IGDCC3: variants seen among roughly 807,000 people sequenced by gnomAD.
The protein encoded by IGDCC3 is putative neuronal cell adhesion molecule.
A neutral mutation model predicts 72.0 loss-of-function variants in IGDCC3; 47 were observed. That is an observed-to-expected ratio of 0.65 (90% CI 0.52 to 0.83). The LOEUF (loss-of-function observed/expected upper bound fraction) is 0.83. Ranked by LOEUF, IGDCC3 falls within the 40% of genes least tolerant of loss-of-function variation. IGDCC3 has a pLI of 0.00. For missense variants in IGDCC3, 1,038 were observed against 1,091.3 expected, an observed-to-expected ratio of 0.95 and a Z score of 0.69; for synonymous variants, 477 against 472.8, an observed-to-expected ratio of 1.01 and a Z score of -0.11.
Position 65,347,842 on chromosome 15 carries a change from A to T in IGDCC3, c.410-11886T>A, listed in dbSNP as rs982956881. On this transcript the variant is annotated intron_variant, in intron 2 of 13. Transcript: ENST00000327987. ...GCCACTTGGGAGGCTGAGGCAAGGCAGGAGAATTGCTTGAACCTGGGAGGC... is the reference window on the plus strand; with the variant it reads ...GCCACTTGGGAGGCTGAGGCAAGGCTGGAGAATTGCTTGAACCTGGGAGGC... Among the ~76,000 whole-genome samples the T allele has an allele frequency of 9.8e-5, 15 of 152,298 alleles. 1 individual carries two copies. The highest frequency in any genetic ancestry group is 3.4e-3 in the Middle Eastern group (1 of 294).
chr15:65,362,661 C>T lies in IGDCC3; in HGVS notation c.409+12436G>A, dbSNP rs74021000. Among the ~76,000 whole-genome samples, 1,488 of 152,158 alleles carry T rather than the reference C, an allele frequency of 9.8e-3. 23 individuals carry two copies. Among genetic ancestry groups the T allele is most frequent in the African/African-American group, 0.034 (1,432 of 41,510 alleles). ...GACTGATGACAGGGCCGTGCCCCCT[C>T]CCATTTTCCACAAAGACAAACTGAG... On this transcript the variant is annotated intron_variant, in intron 2 of 13. Coordinates refer to ENST00000327987, the MANE Select transcript of IGDCC3 (RefSeq NM_004884.4).
Position 65,330,562 on chromosome 15 carries a change from G to A in IGDCC3, c.1741C>T (p.Leu581Phe). 1 of 1,613,310 alleles carries A rather than the reference G, an allele frequency of 6.2e-7. No individual in the cohort carries two copies. The highest frequency in any genetic ancestry group is 1.3e-5 in the African/African-American group (1 of 75,030). ...GTGTCTGCCTCACCGAGCTGGCTGA[G>A]GTTGTAGGAGGAGACGGTTCCAGGC... ...LLPGTVSSYNLSQLDPTAVYE... is the reference protein window; with the variant it reads ...LLPGTVSSYNFSQLDPTAVYE... The change falls in exon 10 of 14, where the codon CTC becomes TTC. Residue 581 changes from leucine to phenylalanine, a missense_variant. Transcript: ENST00000327987.
At chr15:65,360,730 C>A (rs2091254853) in intron 2 of IGDCC3, among the ~76,000 whole-genome samples, 1 of 152,208 alleles carries the variant, frequency 6.6e-6, no homozygotes, top group Admixed American at 6.5e-5. Flanking sequence ...GAGCCCAAAT[C>A]CCATTTGACC....
In IGDCC3 at chr15:65,331,636, C is replaced by T; in HGVS notation, c.1172G>A (p.Gly391Asp). 6.2e-7 allele frequency: 1 copy of T among 1,609,066 alleles called. No individual in the cohort carries two copies. Among genetic ancestry groups the T allele is most frequent in the Non-Finnish European group, 8.5e-7 (1 of 1,176,648 alleles). ...CTGATAAATGGCTTCATCCTCAGGA[C>T]CGATTCCAGAAATGGTCAGTGTGCT... ...NNSTLTISGI[G>D]PEDEAIYQCV... The change falls in exon 8 of 14, where the codon GGT (glycine) becomes GAT (aspartate). Residue 391 changes from glycine (G) to aspartate (D), a missense_variant. Gly to Asp is a moderately conservative substitution (Grantham distance 94). Transcript: ENST00000327987.
intron 2 of IGDCC3, among the ~76,000 whole-genome samples, chr15:65,358,098 A>G (rs990948608): frequency 3.5e-5 from 5 of 140,888 alleles, no homozygotes; most frequent in Non-Finnish European, 7.7e-5. Context: ...AGCAGATCCA[A>G]GACATATTTT....
chr15:65,359,404 G>T (rs1188939306), intron 2 of IGDCC3, among the ~76,000 whole-genome samples: 1 of 152,114 alleles, frequency 6.6e-6, no homozygotes, highest in Non-Finnish European at 1.5e-5. Flanking sequence ...ATGGAGCCTG[G>T]CCTGTGAGCT....
intron 2 of IGDCC3, among the ~76,000 whole-genome samples, chr15:65,367,703 TCAGTC>T (rs2140169396): frequency 6.6e-6 from 1 of 151,932 alleles, no homozygotes; most frequent in South Asian, 2.1e-4. Context: ...TGGGTAAGGG[TCAGTC>T]CCTTACAGGA....
chr15:65,358,105 T>TATA (rs1595761765), intron 2 of IGDCC3, among the ~76,000 whole-genome samples: 1 of 46,588 alleles, frequency 2.1e-5, no homozygotes. Flanking sequence ...CCAAGACATA[T>TATA]TTTTTTTTTT....
chr15:65,346,524 T>C (rs1214896122), intron 2 of IGDCC3, among the ~76,000 whole-genome samples: 1 of 151,754 alleles, frequency 6.6e-6, no homozygotes, highest in East Asian at 1.9e-4. Flanking sequence ...TGGCGCGATC[T>C]CGGCTCACTG....
intron 2 of IGDCC3, among the ~76,000 whole-genome samples, chr15:65,347,800 G>A (rs650851): frequency 0.46 from 70,261 of 151,936 alleles, 17,101 homozygotes; most frequent in African/African-American, 0.63. Context: ...GCATGGTGGC[G>A]TGTGCCTGTA....
intron 2 of IGDCC3, among the ~76,000 whole-genome samples, chr15:65,370,629 T>TATATATATATATATATATATATATATAA (rs2091320253): frequency 6.9e-6 from 1 of 144,542 alleles, no homozygotes; most frequent in African/African-American, 2.5e-5. Flanking sequence ...TGTATATATA[T>TATATATATATATATATATATATATATAA]ATATATATAT....
chr15:65,365,028 C>T (rs2091281794), intron 2 of IGDCC3, among the ~76,000 whole-genome samples: 1 of 152,184 alleles, frequency 6.6e-6, no homozygotes. Context: ...AAACCAGAGA[C>T]TCCCTTACCT....
chr15:65,334,849 G>C lies in IGDCC3; in HGVS notation c.702C>G (p.Ala234=). 1 of 1,613,006 alleles carries C rather than the reference G, an allele frequency of 6.2e-7. No homozygotes were observed. The highest frequency in any genetic ancestry group is 8.5e-7 in the Non-Finnish European group (1 of 1,179,566). The change falls in exon 5 of 14, where the codon GCC becomes GCG. Residue 234 remains alanine (A), a synonymous_variant. Coordinates refer to ENST00000327987, the MANE Select transcript of IGDCC3 (RefSeq NM_004884.4). ...CCACGAGGATGGCTGGCTCCTTGTA[G>C]GCCCCAGAGCCCGAGCCTGGGAGGA... ...RLTVSGSGSG[A]YKEPAILVGP...
intron 5 of IGDCC3, among the ~76,000 whole-genome samples, chr15:65,334,359 G>A (rs2091007248): frequency 6.6e-6 from 1 of 152,118 alleles, no homozygotes; most frequent in Admixed American, 6.5e-5. Context: ...CTGCACAGCT[G>A]AGGAACACGG....
intron 11 of IGDCC3, 60 bp downstream of exon 11, chr15:65,330,233 A>G: frequency 8.2e-7 from 1 of 1,219,174 alleles, no homozygotes; most frequent in Admixed American, 1.8e-5. Flanking sequence ...ATGCTATCTC[A>G]CCCCATTACT....
intron 2 of IGDCC3, among the ~76,000 whole-genome samples, chr15:65,347,048 C>G (rs2091130387): frequency 6.6e-6 from 1 of 152,200 alleles, no homozygotes; most frequent in Admixed American, 6.5e-5. Context: ...GTGTCAGGGT[C>G]ACCAATCTTC....
intron 5 of IGDCC3, 79 bp from the exon 6 acceptor site, chr15:65,333,494 G>T: frequency 7.3e-7 from 1 of 1,363,946 alleles, no homozygotes. Flanking sequence ...ACTTCCAGAT[G>T]GCTTGCCCTT....
intron 2 of IGDCC3, among the ~76,000 whole-genome samples, chr15:65,347,124 C>T (rs561045594): frequency 1.1e-4 from 16 of 152,332 alleles, no homozygotes; most frequent in Admixed American, 6.5e-4. Flanking sequence ...GACACCGGAT[C>T]TCCCTCACCT....
At chr15:65,331,912 C>G in intron 7 of IGDCC3, 29 bp downstream of exon 7, 1 of 1,600,386 alleles carries the variant, frequency 6.2e-7, no homozygotes, top group South Asian at 1.1e-5. Context: ...CTCCCCTGGT[C>G]CTCACCCCAG....
Sources: gnomAD v4.1 joint callset for allele counts (sites outside exome capture counted in the v4.1 genomes callset) on GRCh38, gnomAD v4.1.1 for gene constraint, MANE v1.5 for transcripts, NCBI Gene and HGNC (gene_info 2026-07-23, HGNC 2026-07-21) for gene names.